The following PKDREJ variants were observed in gnomAD, a reference collection of about 807,000 sequenced individuals.
The protein encoded by PKDREJ is PKD and REJ homolog.
For missense variants in PKDREJ, 2,507 were observed against 2,807.2 expected (o/e 0.89, Z 2.42); for synonymous variants, 1,031 against 1,095.5 (o/e 0.94, Z 1.16).
In PKDREJ at chr22:46,263,195, C is replaced by A; in HGVS notation, c.128G>T (p.Arg43Met). The A allele has an allele frequency of 7.2e-7, 1 of 1,387,786 alleles. No homozygotes were observed. The highest frequency in any genetic ancestry group is 9.3e-7 in the Non-Finnish European group (1 of 1,077,212). 86.0% of individuals were successfully genotyped at this position (1,387,786 alleles called of 1,614,324 possible). ...AVSGAPGGLLRGAPGLGVRGG... is the reference protein window; with the variant it reads ...AVSGAPGGLLMGAPGLGVRGG... ...GCGCACCCCGAGGCCCGGGGCGCCCCTGAGGAGGCCACCGGGCGCCCCGGA... is the reference window on the plus strand; with the variant it reads ...GCGCACCCCGAGGCCCGGGGCGCCCATGAGGAGGCCACCGGGCGCCCCGGA... The change falls in exon 1 of 1, where the codon AGG becomes ATG. Residue 43 changes from arginine (R) to methionine (M), a missense_variant. Arg to Met is a moderately conservative substitution (Grantham distance 91, BLOSUM62 -1). Coordinates refer to ENST00000253255, the MANE Select transcript of PKDREJ (RefSeq NM_006071.2). The surrounding 1 kb of genome is among the most constrained non-coding windows in gnomAD (Gnocchi z 9.4).
In PKDREJ at chr22:46,258,214, G is replaced by C. The variant is rs138759688; in HGVS notation, c.5109C>G (p.Ile1703Met). ...EIRIFKRKKR[I>M]KRRALLFLSY... ...TCAGAAACAGGAGTGCTCTTCTCTT[G>C]ATCCTCTTCTTTCTTTTGAATATTC... Residue 1703 changes from isoleucine (I) to methionine (M), a missense_variant, in exon 1 of 1, where the codon ATC (isoleucine) becomes ATG (methionine). Coordinates refer to ENST00000253255, the MANE Select transcript of PKDREJ (RefSeq NM_006071.2). The surrounding 1 kb of genome is among the most constrained non-coding windows in gnomAD (Gnocchi z 6.1). The C allele has an allele frequency of 7.4e-6, 12 of 1,614,052 alleles. No homozygotes were observed. Among genetic ancestry groups the C allele is most frequent in the Non-Finnish European group, 9.3e-6 (11 of 1,179,994 alleles).
In PKDREJ at chr22:46,259,991, T is replaced by A; in HGVS notation, c.3332A>T (p.Gln1111Leu). The change falls in exon 1 of 1, where the codon CAG becomes CTG. Residue 1111 changes from glutamine to leucine, a missense_variant. Transcript: ENST00000253255. The surrounding 1 kb of genome is among the most constrained non-coding windows in gnomAD (Gnocchi z 6.8). The part of the protein sequence containing the change: ...SVQCLDMYGI[Q>L]SEWREGYCIL... Reference sequence around the variant, plus strand: ...GCAATAACCCTCTCTCCATTCACTCTGGATCCCATACATGTCCAAGCACTG... The same window carrying A: ...GCAATAACCCTCTCTCCATTCACTCAGGATCCCATACATGTCCAAGCACTG... The A allele has an allele frequency of 6.2e-7, 1 of 1,614,186 alleles. No individual in the cohort carries two copies. The highest frequency in any genetic ancestry group is 8.5e-7 in the Non-Finnish European group (1 of 1,180,038).
Position 46,263,313 on chromosome 22 carries a change from C to T in PKDREJ, c.10G>A (p.Gly4Arg). The change falls in exon 1 of 1, where the codon GGG becomes AGG. Residue 4 changes from glycine (G) to arginine (R), a missense_variant. By Grantham distance (125) the Gly-to-Arg change is moderately radical. Transcript: ENST00000253255. The surrounding 1 kb of genome is among the most constrained non-coding windows in gnomAD (Gnocchi z 9.4). ...ACGCCCAGAAGGAGGAGAGCGGGCCCAGGCCTCATGGCGCCGGCCCAGGAG... is the reference window on the plus strand; with the variant it reads ...ACGCCCAGAAGGAGGAGAGCGGGCCTAGGCCTCATGGCGCCGGCCCAGGAG... MRP[G>R]PALLLLGVGL... The T allele has an allele frequency of 7.0e-7, 1 of 1,420,646 alleles. No homozygotes were observed. The highest frequency in any genetic ancestry group is 9.1e-7 in the Non-Finnish European group (1 of 1,096,452). 88.0% of individuals were successfully genotyped at this position (1,420,646 alleles called of 1,614,324 possible).
rs772634976 is a variant in PKDREJ, at chr22:46,260,881, C to G, written c.2442G>C (p.Leu814Phe). ...GAGAAGTCATTTTAAGAATATTAGA[C>G]AAACTCATTAGTATTCCAGTACTCA... ...EIVSTGILMS[L>F]SNILKMTSPH... The change falls in exon 1 of 1, where the codon TTG (leucine) becomes TTC (phenylalanine). Residue 814 changes from leucine (L) to phenylalanine (F), a missense_variant. Transcript: ENST00000253255. This position sits in a 1 kb window ranked among gnomAD's most constrained non-coding sequence, Gnocchi z 4.5. The G allele has an allele frequency of 3.7e-6, 6 of 1,613,684 alleles. No individual in the cohort carries two copies. The South Asian group carries it at 5.5e-5, about 15-fold the overall frequency.
chr22:46,262,351 C>T lies in PKDREJ; in HGVS notation c.972G>A (p.Ser324=), dbSNP rs768507016. ...GNPKMPEVKD[S]DAVYVWIVRS... is the part of the protein sequence containing the mutation. ...TGACGATCCAGACATAGACGGCGTCCGAGTCTTTCACCTCGGGCATCTTGG... is the reference window on the plus strand; with the variant it reads ...TGACGATCCAGACATAGACGGCGTCTGAGTCTTTCACCTCGGGCATCTTGG... The change falls in exon 1 of 1, where the codon TCG becomes TCA. Residue 324 remains serine (S), a synonymous_variant. Coordinates refer to ENST00000253255, the MANE Select transcript of PKDREJ (RefSeq NM_006071.2). This position sits in a 1 kb window ranked among gnomAD's most constrained non-coding sequence, Gnocchi z 8.1. 6 of 1,614,168 alleles carry T rather than the reference C, an allele frequency of 3.7e-6. No individual in the cohort carries two copies. The highest frequency in any genetic ancestry group is 5.1e-6 in the Non-Finnish European group (6 of 1,180,022).
Position 46,258,324 on chromosome 22 carries a change from G to A in PKDREJ, c.4999C>T (p.Pro1667Ser), listed in dbSNP as rs1377723181. ...EIRLDGMRMH[P>S]EEMQRIHDQI... ...TCATGTATCCTCTGCATTTCTTCTG[G>A]ATGCATACGCATTCCATCCAACCTG... The change falls in exon 1 of 1, where the codon CCA becomes TCA. Residue 1667 changes from proline (P) to serine (S), a missense_variant. Coordinates refer to ENST00000253255, the MANE Select transcript of PKDREJ (RefSeq NM_006071.2). The surrounding 1 kb of genome is among the most constrained non-coding windows in gnomAD (Gnocchi z 6.1). 2 of 1,614,004 alleles carry A rather than the reference G, an allele frequency of 1.2e-6. No homozygotes were observed. Among genetic ancestry groups the A allele is most frequent in the African/African-American group, 2.7e-5 (2 of 74,904 alleles).
rs1936687261 is a variant in PKDREJ, at chr22:46,260,727, C to A, written c.2596G>T (p.Val866Phe). 1 of 1,614,048 alleles carries A rather than the reference C, an allele frequency of 6.2e-7. No individual in the cohort carries two copies. The highest frequency in any genetic ancestry group is 1.1e-5 in the South Asian group (1 of 91,080). Reference protein sequence around the residue: ...TPNFNMYVKKVEKWGINQLFR... With the variant: ...TPNFNMYVKKFEKWGINQLFR... ...AGCTGGTTGATACCCCACTTTTCAA[C>A]TTTCTTGACATACATGTTGAAATTG... The change falls in exon 1 of 1, where the codon GTT becomes TTT. Residue 866 changes from valine (V) to phenylalanine (F), a missense_variant. Transcript: ENST00000253255. The surrounding 1 kb of genome is among the most constrained non-coding windows in gnomAD (Gnocchi z 4.5).
In PKDREJ at chr22:46,260,166, C is replaced by A. The variant is rs1936679992; in HGVS notation, c.3157G>T (p.Ala1053Ser). Residue 1053 changes from alanine to serine, a missense_variant, in exon 1 of 1, where the codon GCC becomes TCC. Ala to Ser is a moderately conservative substitution (Grantham distance 99). Transcript: ENST00000253255. This position sits in a 1 kb window ranked among gnomAD's most constrained non-coding sequence, Gnocchi z 4.5. ...LFDPACTVKK[A>S]RVVCLPVSLL... ...GACACAGGGAGGCAGACTACACGGG[C>A]CTTCTTCACTGTGCAGGCTGGGTCA... 1 of 1,613,994 alleles carries A rather than the reference C, an allele frequency of 6.2e-7. No homozygotes were observed. Among genetic ancestry groups the A allele is most frequent in the South Asian group, 1.1e-5 (1 of 91,084 alleles).
Position 46,256,532 on chromosome 22 carries a change from T to C in PKDREJ, c.*29A>G, listed in dbSNP as rs771632143. 13 of 1,587,642 alleles carry C rather than the reference T, an allele frequency of 8.2e-6. No homozygotes were observed. Among genetic ancestry groups the C allele is most frequent in the Admixed American group, 1.7e-5 (1 of 58,368 alleles). ...ACAGACTCAGCAGTTGGGGGAACGC[T>C]TGCTTGTGACTCATGAAACCATCAT... On this transcript the variant is annotated 3_prime_UTR_variant, in exon 1 of 1. Coordinates refer to ENST00000253255, the MANE Select transcript of PKDREJ (RefSeq NM_006071.2). The surrounding 1 kb of genome is among the most constrained non-coding windows in gnomAD (Gnocchi z 5.3).
At position 46,261,334 on chromosome 22, in the gene PKDREJ, C is replaced by A. The variant is rs746767277; in HGVS notation, c.1989G>T (p.Leu663Phe). 2.3e-5 allele frequency: 37 copies of A among 1,613,684 alleles called. 1 individual carries two copies. In the Admixed American group the frequency reaches 6.2e-4, roughly 27 times the overall value. ...CAGTGGGAGCCTGTGCGGTGGCATG[C>A]AAAGTCACCTGAGAAAAAGCTCCTA... ...DSLGAFSQVTLHATAQAPTDK... is the reference protein window; with the variant it reads ...DSLGAFSQVTFHATAQAPTDK... Residue 663 changes from leucine (L) to phenylalanine (F), a missense_variant, in exon 1 of 1, where the codon TTG becomes TTT. By Grantham distance (22) the Leu-to-Phe change is conservative. Coordinates refer to ENST00000253255, the MANE Select transcript of PKDREJ (RefSeq NM_006071.2). The surrounding 1 kb of genome is among the most constrained non-coding windows in gnomAD (Gnocchi z 7.1).
chr22:46,260,584 G>A lies in PKDREJ; in HGVS notation c.2739C>T (p.Asp913=), dbSNP rs907092869. 1 of 1,614,148 alleles carries A rather than the reference G, an allele frequency of 6.2e-7. No homozygotes were observed. The highest frequency in any genetic ancestry group is 1.1e-5 in the South Asian group (1 of 91,088). ...CCTGATCATTTAACCAAGGAAAGAG[G>A]TCATTTGTGAAATCACAAAACATTG... ...ISTMFCDFTN[D]LFPWLNDQEN... Residue 913 remains aspartate (D), a synonymous_variant, in exon 1 of 1, where the codon GAC becomes GAT. Coordinates refer to ENST00000253255, the MANE Select transcript of PKDREJ (RefSeq NM_006071.2). The surrounding 1 kb of genome is among the most constrained non-coding windows in gnomAD (Gnocchi z 4.5).
Position 46,256,977 on chromosome 22 carries a change from A to C in PKDREJ, c.6346T>G (p.Trp2116Gly), listed in dbSNP as rs1330604184. The change falls in exon 1 of 1, where the codon TGG becomes GGG. Residue 2116 changes from tryptophan (W) to glycine (G), a missense_variant. By Grantham distance (184) the Trp-to-Gly change is radical. Transcript: ENST00000253255. This position sits in a 1 kb window ranked among gnomAD's most constrained non-coding sequence, Gnocchi z 5.3. ...GAATGAATCAAGTTACTGTAGTTCC[A>C]TTCATGCTGACCAAACACCAGGTAA... Reference protein sequence around the residue: ...FGYLVFGQHEWNYSNLIHSTQ... With the variant: ...FGYLVFGQHEGNYSNLIHSTQ... 1.2e-6 allele frequency: 2 copies of C among 1,613,946 alleles called. No individual in the cohort carries two copies. Among genetic ancestry groups the C allele is most frequent in the Non-Finnish European group, 1.7e-6 (2 of 1,180,038 alleles).
In PKDREJ at chr22:46,262,334, C is replaced by G; in HGVS notation, c.989G>C (p.Trp330Ser). 1 of 1,614,208 alleles carries G rather than the reference C, an allele frequency of 6.2e-7. No homozygotes were observed. The highest frequency in any genetic ancestry group is 8.5e-7 in the Non-Finnish European group (1 of 1,180,032). Residue 330 changes from tryptophan to serine, a missense_variant, in exon 1 of 1, where the codon TGG becomes TCG. Transcript: ENST00000253255. The surrounding 1 kb of genome is among the most constrained non-coding windows in gnomAD (Gnocchi z 8.1). ...EVKDSDAVYV[W>S]IVRSSLQAVM... Reference sequence around the variant, plus strand: ...CGCCTGCAGGGAACTCCTGACGATCCAGACATAGACGGCGTCCGAGTCTTT... The same window carrying G: ...CGCCTGCAGGGAACTCCTGACGATCGAGACATAGACGGCGTCCGAGTCTTT...
In PKDREJ at chr22:46,258,701, T is replaced by C. The variant is rs189319502; in HGVS notation, c.4622A>G (p.Asn1541Ser). Reference protein sequence around the residue: ...PETLGPNTNSNNNIEDDQDVH... With the variant: ...PETLGPNTNSSNNIEDDQDVH... ...ATCCTGATCATCTTCTATGTTGTTATTGGAATTTGTATTTGGCCCGAGGGT... is the reference window on the plus strand; with the variant it reads ...ATCCTGATCATCTTCTATGTTGTTACTGGAATTTGTATTTGGCCCGAGGGT... The change falls in exon 1 of 1, where the codon AAT (asparagine) becomes AGT (serine). Residue 1541 changes from asparagine (N) to serine (S), a missense_variant. Asn to Ser is a conservative substitution (Grantham distance 46). Transcript: ENST00000253255. This position sits in a 1 kb window ranked among gnomAD's most constrained non-coding sequence, Gnocchi z 6.1. The C allele has an allele frequency of 2.0e-4, 330 of 1,614,226 alleles. 1 individual carries two copies. Among genetic ancestry groups the C allele is most frequent in the Non-Finnish European group, 1.1e-4 (130 of 1,180,040 alleles).
Position 46,260,102 on chromosome 22 carries a change from T to C in PKDREJ, c.3221A>G (p.His1074Arg), listed in dbSNP as rs766088639. 7.4e-6 allele frequency: 12 copies of C among 1,613,544 alleles called. No homozygotes were observed. The Admixed American group carries it at 1.7e-4, about 22-fold the overall frequency. Residue 1074 changes from histidine to arginine, a missense_variant, in exon 1 of 1, where the codon CAC becomes CGC. By Grantham distance (29) the His-to-Arg change is conservative (BLOSUM62 0). Coordinates refer to ENST00000253255, the MANE Select transcript of PKDREJ (RefSeq NM_006071.2). The surrounding 1 kb of genome is among the most constrained non-coding windows in gnomAD (Gnocchi z 4.5). ...CTGCAGAACTATGGATACAGTACAG[T>C]GGGGAGAGTGGCTGTGCTGAGCTAT... is the stretch of plus-strand genomic sequence containing the variant. ...QLIAQHSHSP[H>R]CTVSIVLQAP... is the part of the protein sequence containing the mutation.
rs1334920790 is a variant in PKDREJ at position 46,259,804 on chromosome 22, C to G, written c.3519G>C (p.Arg1173=). 1 of 1,613,870 alleles carries G rather than the reference C, an allele frequency of 6.2e-7. No homozygotes were observed. The highest frequency in any genetic ancestry group is 8.5e-7 in the Non-Finnish European group (1 of 1,180,034). The change falls in exon 1 of 1, where the codon CGG becomes CGC. Residue 1173 remains arginine, a synonymous_variant. Transcript: ENST00000253255. This position sits in a 1 kb window ranked among gnomAD's most constrained non-coding sequence, Gnocchi z 6.8. ...GGTGAAGGCTCTTGATGATGTTTAA[C>G]CGTAGATCCACAGGATTAGGGATCA... The part of the protein sequence containing the change: ...VIVIPNPVDL[R]LNIIKSLHQN...
rs773071888 is a variant in PKDREJ, at chr22:46,260,616, TG to T, written c.2706del (p.Ile903PhefsTer16). The T allele has an allele frequency of 6.2e-7, 1 of 1,614,218 alleles. No individual in the cohort carries two copies. The highest frequency in any genetic ancestry group is 1.3e-5 in the African/African-American group (1 of 75,054). ...SSVPGLSANG[P>X]ISTMFCDFTN... ...GTGAAATCACAAAACATTGTAGAAATGGGACCATTTGCAGACAGACCAGGAA... is the reference window on the plus strand; with the variant it reads ...GTGAAATCACAAAACATTGTAGAAATGGACCATTTGCAGACAGACCAGGAA... On this transcript the variant is annotated frameshift_variant, in exon 1 of 1. Coordinates refer to ENST00000253255, the MANE Select transcript of PKDREJ (RefSeq NM_006071.2). LOFTEE classifies it low-confidence loss of function (END_TRUNC). The surrounding 1 kb of genome is among the most constrained non-coding windows in gnomAD (Gnocchi z 4.5).
chr22:46,256,504 C>A lies in PKDREJ; in HGVS notation c.*57G>T. The A allele has an allele frequency of 5.1e-6, 8 of 1,558,192 alleles. No individual in the cohort carries two copies. The highest frequency in any genetic ancestry group is 6.9e-6 in the Non-Finnish European group (8 of 1,158,170). Reference sequence around the variant, plus strand: ...ACTGACACTCCCTAATCCCCTTAATCCCACAGACTCAGCAGTTGGGGGAAC... The same window carrying A: ...ACTGACACTCCCTAATCCCCTTAATACCACAGACTCAGCAGTTGGGGGAAC... On this transcript the variant is annotated 3_prime_UTR_variant, in exon 1 of 1. Transcript: ENST00000253255. This position sits in a 1 kb window ranked among gnomAD's most constrained non-coding sequence, Gnocchi z 5.3.
At position 46,258,055 on chromosome 22, in the gene PKDREJ, C is replaced by G. The variant is rs754165619; in HGVS notation, c.5268G>C (p.Lys1756Asn). The G allele has an allele frequency of 5.6e-6, 9 of 1,614,034 alleles. No individual in the cohort carries two copies. Among genetic ancestry groups the G allele is most frequent in the Non-Finnish European group, 7.6e-6 (9 of 1,180,028 alleles). The change falls in exon 1 of 1, where the codon AAG becomes AAC. Residue 1756 changes from lysine (K) to asparagine (N), a missense_variant. By Grantham distance (94) the Lys-to-Asn change is moderately conservative (BLOSUM62 0). Transcript: ENST00000253255. This position sits in a 1 kb window ranked among gnomAD's most constrained non-coding sequence, Gnocchi z 6.1. ...RFSMDLATVT[K>N]LEDIYRWLNS... ...TTAGCCATCTATAGATGTCTTCCAG[C>G]TTAGTCACAGTAGCAAGATCCATAG...
Sources: gnomAD v4.1 joint callset for allele counts on GRCh38, gnomAD v4.1.1 for gene constraint, Gnocchi (gnomAD v3.1) non-coding constraint, MANE v1.5 for transcripts, NCBI Gene and HGNC (gene_info 2026-07-23, HGNC 2026-07-21) for gene names.